The following SLC41A3 variants were observed in gnomAD, a reference collection of about 807,000 sequenced individuals.
SLC41A3 encodes the protein SLC41A1-like 2.
SLC41A3 carries 44 observed loss-of-function variants against 45.4 expected under a neutral mutation model. The observed-to-expected ratio is 0.97, with a 90% CI of 0.76 to 1.25. The LOEUF is 1.25. Ranked by LOEUF, SLC41A3 falls within the 50% of genes most tolerant of loss-of-function variation. The probability of loss-of-function intolerance (pLI) is 0.00; values close to 1 mark genes in which losing one functional copy is unlikely to be tolerated. For synonymous variants in SLC41A3, 256 were observed against 252.4 expected, an observed-to-expected ratio of 1.01 and a Z score of -0.13; for missense variants, 550 against 600.6, an observed-to-expected ratio of 0.92 and a Z score of 0.88.
chr3:126,087,538 G>A (rs950989692), upstream of SLC41A3, among the ~76,000 whole-genome samples: 2 of 151,762 alleles, frequency 1.3e-5, no homozygotes, highest in East Asian at 1.9e-4. Context: ...TTATTTAAAG[G>A]TTATGTATAA....
At chr3:126,068,581 C>T (rs899663755) in intron 1 of SLC41A3, among the ~76,000 whole-genome samples, 1 of 152,218 alleles carries the variant, frequency 6.6e-6, no homozygotes, top group Non-Finnish European at 1.5e-5. Flanking sequence ...AGAACTCTTA[C>T]TGATACCAAA....
intron 1 of SLC41A3, among the ~76,000 whole-genome samples, chr3:126,081,214 T>C (rs371439481): frequency 3.3e-5 from 5 of 152,150 alleles, no homozygotes; most frequent in East Asian, 1.9e-4. Flanking sequence ...TGCAACAATA[T>C]AGATGGAACT....
At chr3:126,063,409 C>G (rs1944174493) in intron 2 of SLC41A3, among the ~76,000 whole-genome samples, 1 of 152,116 alleles carries the variant, frequency 6.6e-6, no homozygotes, top group African/African-American at 2.4e-5. Flanking sequence ...TGCAAGGGAG[C>G]TCAGGGGAAG....
chr3:126,022,718 A>G (rs1576235303), intron 6 of SLC41A3, 68 bp downstream of exon 6: 1 of 1,586,758 alleles, frequency 6.3e-7, no homozygotes, highest in South Asian at 1.1e-5. Flanking sequence ...ACTCAGCCTC[A>G]GTGGTGACCT....
intron 3 of SLC41A3, among the ~76,000 whole-genome samples, chr3:126,039,431 C>T (rs866185999): frequency 6.6e-6 from 1 of 152,144 alleles, no homozygotes; most frequent in Admixed American, 6.5e-5. Flanking sequence ...CTGAGGCTTC[C>T]TCATGGTTAA....
chr3:126,056,477 G>T lies in SLC41A3; in HGVS notation c.274-5427C>A, dbSNP rs543598075. ...TCAGGCAAGACCCCATGTGGGGACC[G>T]GGTAAGCTCACAGCTGAAGCCTCGC... On this transcript the variant is annotated intron_variant, in intron 2 of 10. Coordinates refer to ENST00000360370, the MANE Select transcript of SLC41A3 (RefSeq NM_017836.4). 3 of 1,614,182 alleles carry T rather than the reference G, an allele frequency of 1.9e-6. No homozygotes were observed. The South Asian group carries it at 3.3e-5, about 18-fold the overall frequency.
At chr3:126,069,298 T>C (rs934429092) in intron 1 of SLC41A3, among the ~76,000 whole-genome samples, 9 of 151,868 alleles carry the variant, frequency 5.9e-5, no homozygotes, top group Non-Finnish European at 1.3e-4. Flanking sequence ...ATGTACCCAG[T>C]GTGCACACAG....
chr3:126,076,211 A>G (rs1375537023), intron 1 of SLC41A3, among the ~76,000 whole-genome samples: 10 of 152,248 alleles, frequency 6.6e-5, no homozygotes, highest in Admixed American at 6.5e-4. Flanking sequence ...CACATGAAAC[A>G]ATGGTTTCAC....
intron 1 of SLC41A3, among the ~76,000 whole-genome samples, chr3:126,072,915 G>A (rs948782950): frequency 2.6e-5 from 4 of 152,142 alleles, no homozygotes; most frequent in African/African-American, 9.7e-5. Flanking sequence ...TAGTACATAT[G>A]CCCATGGAAC....
chr3:126,053,256 T>C (rs1205821951), intron 2 of SLC41A3, among the ~76,000 whole-genome samples: 2 of 152,108 alleles, frequency 1.3e-5, no homozygotes, highest in Non-Finnish European at 2.9e-5. Flanking sequence ...GCATCCTCAT[T>C]AGAGGAGGAA....
intron 2 of SLC41A3, among the ~76,000 whole-genome samples, chr3:126,066,394 T>C (rs977532457): frequency 6.6e-6 from 1 of 152,256 alleles, no homozygotes; most frequent in African/African-American, 2.4e-5. Context: ...TAATACATGC[T>C]ATCATATGAA....
At position 126,049,464 on chromosome 3, in the gene SLC41A3, G is replaced by A. The variant is rs117457799; in HGVS notation, c.381+1479C>T. On this transcript the variant is annotated intron_variant, in intron 3 of 10. Coordinates refer to ENST00000360370, the MANE Select transcript of SLC41A3 (RefSeq NM_017836.4). ...ATCATGCCACTGGACTCTGGCCTGG[G>A]TGACACAGCAAAACTGTCTCAAAAA... Among the ~76,000 whole-genome samples, 1,278 of 152,220 alleles carry A rather than the reference G, an allele frequency of 8.4e-3. 56 individuals are homozygous for A. In the East Asian group the frequency reaches 0.096, roughly 11 times the overall value.
In SLC41A3 at chr3:126,038,974, C is replaced by T. The variant is rs144871876; in HGVS notation, c.382-5296G>A. On this transcript the variant is annotated intron_variant, in intron 3 of 10. Transcript: ENST00000360370. ...TTCTTGCTCTGAGTTCACATGGGAGCTGATTAAGAGTTTAGCACCTCCTCC... is the reference window on the plus strand; with the variant it reads ...TTCTTGCTCTGAGTTCACATGGGAGTTGATTAAGAGTTTAGCACCTCCTCC... Among the ~76,000 whole-genome samples the T allele has an allele frequency of 5.7e-4, 87 of 152,050 alleles. 2 individuals carry two copies. The highest frequency in any genetic ancestry group is 1.5e-3 in the South Asian group (7 of 4,800).
chr3:126,084,356 C>T (rs1169623613), upstream of SLC41A3: 3 of 152,178 alleles, frequency 2.0e-5, no homozygotes, highest in East Asian at 5.8e-4. Flanking sequence ...CCGGGCCCTC[C>T]TCGCAGCTGG....
At chr3:126,075,107 G>A (rs981041801) in intron 1 of SLC41A3, among the ~76,000 whole-genome samples, 6 of 150,618 alleles carry the variant, frequency 4.0e-5, no homozygotes, top group Non-Finnish European at 5.9e-5. Flanking sequence ...ATCATGCTTG[G>A]CTATAGTTTT....
chr3:126,021,462 T>A (rs538440625), intron 6 of SLC41A3, among the ~76,000 whole-genome samples: 1 of 152,362 alleles, frequency 6.6e-6, no homozygotes, highest in East Asian at 1.9e-4. Context: ...TCGGGGATTA[T>A]GGCTTGCTAA....
intron 9 of SLC41A3, among the ~76,000 whole-genome samples, chr3:126,009,739 A>T (rs541289274): frequency 6.6e-6 from 1 of 152,384 alleles, no homozygotes; most frequent in African/African-American, 2.4e-5. Flanking sequence ...GTATTATTTT[A>T]AAAAATGTCA....
exon 1 of SLC41A3, chr3:126,101,441 G>C (rs1366839372): frequency 2.0e-5 from 3 of 152,256 alleles, no homozygotes; most frequent in African/African-American, 7.2e-5. Flanking sequence ...TACACTTTCA[G>C]GAGAATTATG....
chr3:126,094,289 C>T (rs796277847), intron 1 of SLC41A3, among the ~76,000 whole-genome samples: 13 of 152,246 alleles, frequency 8.5e-5, no homozygotes, highest in East Asian at 1.9e-4. Context: ...TTCTTGATGG[C>T]GGCCATTGTT....
Sources: allele counts gnomAD v4.1 joint callset (sites outside exome capture counted in the v4.1 genomes callset), GRCh38; gene constraint gnomAD v4.1.1; transcripts MANE v1.5; gene names NCBI Gene and HGNC (gene_info 2026-07-23, HGNC 2026-07-21).